Variants in CDH12 observed in about 807,000 individuals in gnomAD.
CDH12 encodes the protein cadherin 12, also known as cadherin-12.
A neutral mutation model predicts 74.1 loss-of-function variants in CDH12; 41 were observed. The observed-to-expected ratio is 0.55, with a 90% CI of 0.43 to 0.72. CDH12 has a LOEUF of 0.72. CDH12 is among the 30% of genes least tolerant of loss of function. CDH12 has a pLI of 0.00. For missense variants in CDH12, 945 were observed against 977.2 expected, an observed-to-expected ratio of 0.97 and a Z score of 0.44; for synonymous variants, 399 against 355.0, an observed-to-expected ratio of 1.12 and a Z score of -1.39.
At chr5:21,921,356 A>G (rs939028686) in intron 6 of CDH12, among the ~76,000 whole-genome samples, 1 of 152,188 alleles carries the variant, frequency 6.6e-6, no homozygotes, top group Non-Finnish European at 1.5e-5. Context: ...CATCTTCTCC[A>G]TCTGGTCCTG....
At chr5:22,620,332 A>G (rs1737909378) in intron 1 of CDH12, among the ~76,000 whole-genome samples, 1 of 152,070 alleles carries the variant, frequency 6.6e-6, no homozygotes, top group African/African-American at 2.4e-5. Flanking sequence ...AAAATAATGA[A>G]GGGAAAATAA....
At chr5:22,377,277 T>A (rs546358122) in intron 3 of CDH12, among the ~76,000 whole-genome samples, 1 of 152,134 alleles carries the variant, frequency 6.6e-6, no homozygotes, top group African/African-American at 2.4e-5. Flanking sequence ...CATATTACAG[T>A]GTACGTATTG....
intron 2 of CDH12, among the ~76,000 whole-genome samples, chr5:22,477,000 T>C (rs2126615668): frequency 6.6e-6 from 1 of 152,204 alleles, no homozygotes; most frequent in South Asian, 2.1e-4. Context: ...AATAGGCCTT[T>C]TTTCTTGTAA....
At chr5:22,113,813 T>C (rs545333954) in intron 4 of CDH12, among the ~76,000 whole-genome samples, 87 of 152,298 alleles carry the variant, frequency 5.7e-4, no homozygotes, top group African/African-American at 2.0e-3. Flanking sequence ...GCTTTTCCTC[T>C]TTGCTTTATT....
chr5:22,549,990 C>T (rs145686603), intron 1 of CDH12, among the ~76,000 whole-genome samples: 13 of 152,256 alleles, frequency 8.5e-5, no homozygotes, highest in Non-Finnish European at 1.8e-4. Flanking sequence ...AGGTATTTTG[C>T]CCACAACTTC....
intron 6 of CDH12, among the ~76,000 whole-genome samples, chr5:21,922,508 T>G (rs550480009): frequency 1.1e-4 from 16 of 152,276 alleles, no homozygotes; most frequent in African/African-American, 3.8e-4. Flanking sequence ...TCTCATAATA[T>G]GTAGTCAAGA....
chr5:22,691,371 A>G (rs1486063688), intron 1 of CDH12, among the ~76,000 whole-genome samples: 1 of 152,188 alleles, frequency 6.6e-6, no homozygotes, highest in Non-Finnish European at 1.5e-5. Context: ...AGATCCAGTG[A>G]GAAGTTGCTC....
chr5:22,604,913 C>T lies in CDH12; in HGVS notation c.-522-99549G>A, dbSNP rs565420000. ...TTGACCCTAGAGGGCACCCCTTCAC[C>T]ATCAGCTCTGGTCAGTGACACTCAT... On this transcript the variant is annotated intron_variant, in intron 1 of 14. Transcript: ENST00000382254. Among the ~76,000 whole-genome samples the T allele has an allele frequency of 5.3e-5, 8 of 152,344 alleles. No individual in the cohort carries two copies. In the South Asian group the frequency reaches 1.7e-3, roughly 32 times the overall value.
chr5:21,807,243 A>T (rs1747479668), intron 9 of CDH12, among the ~76,000 whole-genome samples: 1 of 152,122 alleles, frequency 6.6e-6, no homozygotes, highest in Non-Finnish European at 1.5e-5. Context: ...TTATGATGAC[A>T]TCCCCAACGA....
At chr5:22,438,524 A>G (rs1245991001) in intron 2 of CDH12, among the ~76,000 whole-genome samples, 1 of 152,012 alleles carries the variant, frequency 6.6e-6, no homozygotes, top group African/African-American at 2.4e-5. Context: ...CTAGACTTAC[A>G]CTGTCTAATA....
chr5:21,936,489 T>C (rs1005507925), intron 6 of CDH12, among the ~76,000 whole-genome samples: 2 of 152,204 alleles, frequency 1.3e-5, no homozygotes, highest in Non-Finnish European at 1.5e-5. Context: ...AAGATGAATA[T>C]AGCAGAAAGT....
rs990482963 is a variant in CDH12, at chr5:22,532,826, CAAAT to C, written c.-522-27466_-522-27463del. Among the ~76,000 whole-genome samples the C allele has an allele frequency of 7.2e-5, 11 of 151,772 alleles. No homozygotes were observed. The East Asian group carries it at 1.6e-3, about 21-fold the overall frequency. On this transcript the variant is annotated intron_variant, in intron 1 of 14. Transcript: ENST00000382254. ...GTTTATACTGATTGTGATTTTTTCACAAATAAATATATAATCAAAAATTTTAAAT... is the reference window on the plus strand; with the variant it reads ...GTTTATACTGATTGTGATTTTTTCACAAATATATAATCAAAAATTTTAAAT...
At chr5:22,111,482 C>T (rs778073277) in intron 4 of CDH12, among the ~76,000 whole-genome samples, 5 of 152,098 alleles carry the variant, frequency 3.3e-5, no homozygotes, top group African/African-American at 9.7e-5. Flanking sequence ...ATTCAATTTG[C>T]GTTTCACTAT....
In CDH12 at chr5:22,527,932, T is replaced by C. The variant is rs556292043; in HGVS notation, c.-522-22568A>G. ...AAGTGAGCTCATATCGATAAATTCA[T>C]CCTGGTTCATATTTATGTTGCACCT... On this transcript the variant is annotated intron_variant, in intron 1 of 14. Transcript: ENST00000382254. Among the ~76,000 whole-genome samples the C allele has an allele frequency of 2.6e-5, 4 of 152,268 alleles. No homozygotes were observed. The South Asian group carries it at 8.3e-4, about 32-fold the overall frequency.
chr5:22,585,332 T>A (rs1473075551), intron 1 of CDH12, among the ~76,000 whole-genome samples: 3 of 152,198 alleles, frequency 2.0e-5, no homozygotes, highest in African/African-American at 7.2e-5. Flanking sequence ...TCTTTTTGTC[T>A]TTGATTTCCT....
chr5:22,217,769 AAATAATATTAATG>A (rs1428562913), intron 3 of CDH12, among the ~76,000 whole-genome samples: 2 of 151,744 alleles, frequency 1.3e-5, no homozygotes, highest in Non-Finnish European at 3.0e-5. Flanking sequence ...TGGACATATA[AAATAATATTAATG>A]AATAATATTG....
chr5:22,163,898 A>G (rs1397645537), intron 4 of CDH12, among the ~76,000 whole-genome samples: 2 of 152,206 alleles, frequency 1.3e-5, no homozygotes, highest in Non-Finnish European at 2.9e-5. Context: ...AATAAAGTAC[A>G]TGGTCACCTC....
intron 10 of CDH12, among the ~76,000 whole-genome samples, chr5:21,800,891 C>G (rs889833286): frequency 5.3e-5 from 8 of 152,172 alleles, no homozygotes; most frequent in East Asian, 1.9e-4. Flanking sequence ...TAAGATGCGC[C>G]TGCTTCTCCT....
At chr5:22,193,673 G>A (rs6452066) in intron 4 of CDH12, among the ~76,000 whole-genome samples, 149,755 of 151,194 alleles carry the variant, frequency 0.99, 74,190 homozygotes, top group Middle Eastern at 1. Context: ...ATAAGCAGCC[G>A]GATGTATCAG....
Sources: gnomAD v4.1 joint callset for allele counts (sites outside exome capture counted in the v4.1 genomes callset) on GRCh38, gnomAD v4.1.1 for gene constraint, MANE v1.5 for transcripts, NCBI Gene and HGNC (gene_info 2026-07-23, HGNC 2026-07-21) for gene names.